KAZN: variants seen among roughly 807,000 people sequenced by gnomAD.
The protein encoded by KAZN is kazrin, periplakin interacting protein, also known as kazrin.
KAZN carries 40 observed loss-of-function variants against 87.4 expected under a neutral mutation model. The observed-to-expected ratio is 0.46, with a 90% CI of 0.36 to 0.60. The LOEUF is 0.60. Ranked by LOEUF, KAZN falls within the 20% of genes least tolerant of loss-of-function variation. KAZN has a pLI of 0.00. For missense variants in KAZN, 898 were observed against 1,073.9 expected (o/e 0.84, Z 2.29); for synonymous variants, 466 against 458.3 (o/e 1.02, Z -0.22).
rs139425234 is a variant in KAZN, at chr1:13,953,442, C to T, written c.91+59686C>T. ...TTCCATGTCCAAGTTTTATCTTCAC[C>T]TCAAAATTGAATGGTTGTTTGTCTG... is the stretch of plus-strand genomic sequence containing the variant. On this transcript the variant is annotated intron_variant, in intron 1 of 16. Coordinates refer to the KAZN transcript ENST00000636203. 4.3e-3 allele frequency among the ~76,000 whole-genome samples: 648 copies of T among 152,258 alleles called. 3 individuals are homozygous for T. Among genetic ancestry groups the T allele is most frequent in the African/African-American group, 0.015 (621 of 41,552 alleles).
chr1:14,154,742 T>C (rs777485894), intron 1 of KAZN, among the ~76,000 whole-genome samples: 1 of 152,226 alleles, frequency 6.6e-6, no homozygotes, highest in African/African-American at 2.4e-5. Flanking sequence ...TCAGCATCCA[T>C]TGAAATAATT....
chr1:14,149,287 T>C (rs1438225344), intron 1 of KAZN, among the ~76,000 whole-genome samples: 1 of 150,708 alleles, frequency 6.6e-6, no homozygotes, highest in Non-Finnish European at 1.5e-5. Context: ...ATTTTTTTTT[T>C]TGGTAGAGAT....
chr1:14,784,480 C>A lies in KAZN; in HGVS notation c.227-176204C>A, dbSNP rs528492782. 5.8e-4 allele frequency among the ~76,000 whole-genome samples: 88 copies of A among 152,206 alleles called. 1 individual carries two copies. The South Asian group carries it at 5.8e-3, about 10-fold the overall frequency. ...GCAGCACCCAAAGTCACTCAAGGGCCGGGCATGGCAGCTCACACCTGTAAT... is the reference window on the plus strand; with the variant it reads ...GCAGCACCCAAAGTCACTCAAGGGCAGGGCATGGCAGCTCACACCTGTAAT... On this transcript the variant is annotated intron_variant, in intron 1 of 14. Transcript: ENST00000376030.
At chr1:13,957,582 A>G (rs561709081) in intron 1 of KAZN, among the ~76,000 whole-genome samples, 2 of 152,298 alleles carry the variant, frequency 1.3e-5, no homozygotes, top group Non-Finnish European at 1.5e-5. Flanking sequence ...AGGATTGGGC[A>G]TCTGCATCTG....
intron 1 of KAZN, among the ~76,000 whole-genome samples, chr1:14,691,938 T>TC (rs951072732): frequency 2.6e-5 from 4 of 151,980 alleles, no homozygotes; most frequent in African/African-American, 9.7e-5. Flanking sequence ...CTTTTTTTTT[T>TC]TTTTTACGAT....
chr1:14,243,991 T>G (rs544872793), intron 2 of KAZN, among the ~76,000 whole-genome samples: 1 of 152,302 alleles, frequency 6.6e-6, no homozygotes, highest in African/African-American at 2.4e-5. Flanking sequence ...AAGAGAGACA[T>G]GCAGAGTTGA....
intron 3 of KAZN, among the ~76,000 whole-genome samples, chr1:15,041,518 G>A (rs2100311694): frequency 6.6e-6 from 1 of 151,600 alleles, no homozygotes; most frequent in African/African-American, 2.4e-5. Context: ...TGTATTTTTA[G>A]TAGAGGCAGG....
At chr1:14,760,461 G>A (rs776978587) in intron 1 of KAZN, among the ~76,000 whole-genome samples, 28 of 152,144 alleles carry the variant, frequency 1.8e-4, no homozygotes, top group Non-Finnish European at 1.3e-4. Flanking sequence ...GCAGCAACTC[G>A]GCACTCGCTG....
intron 2 of KAZN, among the ~76,000 whole-genome samples, chr1:14,367,754 G>C (rs1276410457): frequency 6.6e-6 from 1 of 152,106 alleles, no homozygotes; most frequent in Non-Finnish European, 1.5e-5. Context: ...CAGCGGTGTT[G>C]CGTGATTTGA....
At chr1:15,038,215 C>T (rs1453910479) in intron 3 of KAZN, among the ~76,000 whole-genome samples, 1 of 151,942 alleles carries the variant, frequency 6.6e-6, no homozygotes, top group Admixed American at 6.6e-5. Flanking sequence ...GATTGTGCCA[C>T]TGCACTCCAG....
chr1:14,588,990 G>A (rs776013895), intron 2 of KAZN, among the ~76,000 whole-genome samples: 4 of 152,162 alleles, frequency 2.6e-5, no homozygotes, highest in African/African-American at 4.8e-5. Flanking sequence ...CCATGGGCAC[G>A]GATGCAGAAC....
chr1:14,434,120 CTT>C (rs1184049000), intron 2 of KAZN, among the ~76,000 whole-genome samples: 2 of 152,152 alleles, frequency 1.3e-5, no homozygotes, highest in Non-Finnish European at 2.9e-5. Flanking sequence ...TCCATTGGCT[CTT>C]TTTTATTTTC....
intron 2 of KAZN, among the ~76,000 whole-genome samples, chr1:14,239,606 A>G (rs565273927): frequency 6.6e-6 from 1 of 151,838 alleles, no homozygotes; most frequent in East Asian, 1.9e-4. Context: ...GATTACAGGC[A>G]TGTGCCACCA....
At chr1:14,719,169 A>C (rs1475176381) in intron 1 of KAZN, among the ~76,000 whole-genome samples, 1 of 152,228 alleles carries the variant, frequency 6.6e-6, no homozygotes, top group African/African-American at 2.4e-5. Flanking sequence ...GATGATGCCC[A>C]GCATACAAGG....
At chr1:13,950,011 G>C (rs1479457246) in intron 1 of KAZN, among the ~76,000 whole-genome samples, 1 of 152,314 alleles carries the variant, frequency 6.6e-6, no homozygotes, top group African/African-American at 2.4e-5. Flanking sequence ...ATGGTGGGTA[G>C]GGGCCTTCCA....
Position 14,999,494 on chromosome 1 carries a change from GCCCCCCTCCC to G in KAZN, c.419-35251_419-35242del, listed in dbSNP as rs1386078571. ...GTGCGTTCAGCCCCAGGCATTGCCT[GCCCCCCTCCC>G]CCCGCCCCGCCATCCAGACCTTGAC... On this transcript the variant is annotated intron_variant, in intron 2 of 14. Coordinates refer to ENST00000376030, the MANE Select transcript of KAZN (RefSeq NM_201628.3). Among the ~76,000 whole-genome samples, 90 of 132,790 alleles carry G rather than the reference GCCCCCCTCCC, an allele frequency of 6.8e-4. 1 individual carries two copies. The highest frequency in any genetic ancestry group is 3.1e-3 in the African/African-American group (85 of 27,564). The allele number at this position is 132,790 out of a possible 152,430, so 87.1% of individuals were successfully genotyped here.
At chr1:15,108,405 T>C (rs1641371523) in intron 13 of KAZN, among the ~76,000 whole-genome samples, 1 of 152,182 alleles carries the variant, frequency 6.6e-6, no homozygotes, top group Non-Finnish European at 1.5e-5. Flanking sequence ...ACATTCTGGC[T>C]CCTCCGCCAT....
At chr1:14,946,360 T>C (rs1661791013) in intron 1 of KAZN, among the ~76,000 whole-genome samples, 1 of 146,950 alleles carries the variant, frequency 6.8e-6, no homozygotes, top group Admixed American at 6.9e-5. Context: ...TTTTTTGAGA[T>C]GGAGTCTCGC....
At chr1:14,734,284 G>T (rs1394046263) in intron 1 of KAZN, among the ~76,000 whole-genome samples, 1 of 149,864 alleles carries the variant, frequency 6.7e-6, no homozygotes, top group Non-Finnish European at 1.5e-5. Context: ...GGGCCAGAGA[G>T]TCTGTGTTTT....
Sources: gnomAD v4.1 joint callset for allele counts (sites outside exome capture counted in the v4.1 genomes callset) on GRCh38, gnomAD v4.1.1 for gene constraint, MANE v1.5 for transcripts, NCBI Gene and HGNC (gene_info 2026-07-23, HGNC 2026-07-21) for gene names.